Variants in NEK11 observed in about 807,000 individuals in gnomAD.
NEK11 encodes the protein serine/threonine-protein kinase Nek11.
NEK11 carries 72 observed loss-of-function variants against 80.7 expected under a neutral mutation model. The observed-to-expected ratio is 0.89, with a 90% CI of 0.74 to 1.08. The LOEUF (loss-of-function observed/expected upper bound fraction) is 1.08, where lower values mean the gene tolerates loss of function less well. Ranked by LOEUF, NEK11 falls within the 50% of genes least tolerant of loss-of-function variation. The pLI, the probability that NEK11 is intolerant of heterozygous loss-of-function variation, is 0.00. For missense variants in NEK11, 764 were observed against 763.6 expected, an observed-to-expected ratio of 1.00 and a Z score of -0.01; for synonymous variants, 251 against 260.7, an observed-to-expected ratio of 0.96 and a Z score of 0.36.
In NEK11 at chr3:131,258,323, A is replaced by G. The variant is rs12635487; in HGVS notation, c.1621+14827A>G. 4.1e-3 allele frequency among the ~76,000 whole-genome samples: 619 copies of G among 152,196 alleles called. 18 individuals carry two copies. The East Asian group carries it at 0.058, about 14-fold the overall frequency. ...CCCAAAAACTATTGAAATAAAATAAAACAAAAATTTTAAAAACTTAAAAAA... is the reference window on the plus strand; with the variant it reads ...CCCAAAAACTATTGAAATAAAATAAGACAAAAATTTTAAAAACTTAAAAAA... On this transcript the variant is annotated intron_variant, in intron 16 of 17. Coordinates refer to ENST00000383366, the MANE Select transcript of NEK11 (RefSeq NM_024800.5).
intron 17 of NEK11, among the ~76,000 whole-genome samples, chr3:131,322,045 T>C (rs1437207659): frequency 6.6e-6 from 1 of 152,124 alleles, no homozygotes; most frequent in Non-Finnish European, 1.5e-5. Flanking sequence ...CACATGTATG[T>C]TCATCGCAGC....
intron 4 of NEK11, among the ~76,000 whole-genome samples, chr3:131,086,617 T>G (rs985759056): frequency 6.6e-6 from 1 of 152,220 alleles, no homozygotes; most frequent in Middle Eastern, 3.2e-3. Context: ...AAGTAAATTC[T>G]TGCTTATTAA....
At position 131,029,795 on chromosome 3, in the gene NEK11, C is replaced by T. The variant is rs368992314; in HGVS notation, c.87C>T (p.Tyr29=). ...CAAAGACCTTGATTGCAAGAAGATACGTGCTTCAACAAAAACTTGGCAGTG... is the reference window on the plus strand; with the variant it reads ...CAAAGACCTTGATTGCAAGAAGATATGTGCTTCAACAAAAACTTGGCAGTG... ...TYPKTLIARR[Y]VLQQKLGSGS... Residue 29 remains tyrosine (Y), a synonymous_variant, in exon 3 of 18, where the codon TAC becomes TAT. Transcript: ENST00000383366. 40 of 1,613,928 alleles carry T rather than the reference C, an allele frequency of 2.5e-5. No homozygotes were observed. In the East Asian group the frequency reaches 5.6e-4, roughly 22 times the overall value.
chr3:131,219,496 G>A (rs1245418700), intron 14 of NEK11, among the ~76,000 whole-genome samples: 3 of 151,354 alleles, frequency 2.0e-5, no homozygotes, highest in East Asian at 1.9e-4. Context: ...ATCAGGACGC[G>A]TGTGTATCCA....
intron 16 of NEK11, among the ~76,000 whole-genome samples, chr3:131,267,847 G>T (rs548682213): frequency 6.4e-4 from 97 of 152,178 alleles, no homozygotes; most frequent in African/African-American, 2.1e-3. Flanking sequence ...AGTTCTCCTG[G>T]ATAATATCCT....
At chr3:131,279,261 A>C (rs1348247013) in intron 17 of NEK11, among the ~76,000 whole-genome samples, 2 of 151,994 alleles carry the variant, frequency 1.3e-5, no homozygotes, top group Non-Finnish European at 2.9e-5. Context: ...GAGACAGGAG[A>C]ATCGCTTGAA....
chr3:131,089,046 C>T (rs2076381284), intron 4 of NEK11, among the ~76,000 whole-genome samples: 1 of 152,164 alleles, frequency 6.6e-6, no homozygotes, highest in South Asian at 2.1e-4. Context: ...CTTATTCAGC[C>T]CTGCCTTTCT....
intron 3 of NEK11, among the ~76,000 whole-genome samples, chr3:131,077,332 A>C (rs906694995): frequency 6.6e-6 from 1 of 152,162 alleles, no homozygotes; most frequent in Non-Finnish European, 1.5e-5. Flanking sequence ...AGTGATATGC[A>C]ATGAGAGTTT....
intron 14 of NEK11, among the ~76,000 whole-genome samples, chr3:131,215,771 T>C (rs1302533194): frequency 3.3e-5 from 5 of 152,050 alleles, no homozygotes; most frequent in Admixed American, 6.6e-5. Context: ...GAGGTGGGGA[T>C]TGGTGATGGT....
chr3:131,256,515 T>C (rs1035003068), intron 16 of NEK11, among the ~76,000 whole-genome samples: 8 of 152,308 alleles, frequency 5.3e-5, no homozygotes, highest in Middle Eastern at 3.4e-3. Context: ...TGCAGAAATA[T>C]TTTTTATGTA....
At chr3:131,274,928 C>T (rs1172304828) in intron 17 of NEK11, among the ~76,000 whole-genome samples, 6 of 151,684 alleles carry the variant, frequency 4.0e-5, no homozygotes, top group Non-Finnish European at 7.4e-5. Flanking sequence ...GCTGGGATTA[C>T]AGGCGTGAGC....
At chr3:131,164,819 C>T (rs186369780) in intron 11 of NEK11, among the ~76,000 whole-genome samples, 16 of 152,200 alleles carry the variant, frequency 1.1e-4, no homozygotes, top group African/African-American at 2.2e-4. Context: ...ATAATGTACC[C>T]GTTTTAGAGA....
chr3:131,072,542 T>C (rs2073579611), intron 3 of NEK11, among the ~76,000 whole-genome samples: 1 of 152,180 alleles, frequency 6.6e-6, no homozygotes, highest in Non-Finnish European at 1.5e-5. Flanking sequence ...TCTGCCCATC[T>C]GTATAAATAA....
intron 3 of NEK11, among the ~76,000 whole-genome samples, chr3:131,045,410 C>T (rs1188046825): frequency 6.6e-6 from 1 of 152,182 alleles, no homozygotes; most frequent in Non-Finnish European, 1.5e-5. Context: ...GTTCACCCAA[C>T]ACTCATTCAG....
At chr3:131,034,016 A>G (rs2065257553) in intron 3 of NEK11, among the ~76,000 whole-genome samples, 1 of 152,210 alleles carries the variant, frequency 6.6e-6, no homozygotes, top group Non-Finnish European at 1.5e-5. Context: ...TTATGTTGTC[A>G]TAGTCCTAAA....
chr3:131,232,165 A>C (rs186773170), intron 15 of NEK11, among the ~76,000 whole-genome samples: 1 of 152,282 alleles, frequency 6.6e-6, no homozygotes, highest in East Asian at 1.9e-4. Flanking sequence ...TCCTCTGCCA[A>C]GTCTGTGGTC....
At chr3:131,087,873 G>A (rs1186889932) in intron 4 of NEK11, 1 of 152,176 alleles carries the variant, frequency 6.6e-6, no homozygotes, top group East Asian at 1.9e-4. Context: ...TTATAGTCCT[G>A]AAGCCTGTTT....
In NEK11 at chr3:131,241,816, G is replaced by C. The variant is rs527939979; in HGVS notation, c.1561-1620G>C. On this transcript the variant is annotated intron_variant, in intron 15 of 17. Transcript: ENST00000383366. The stretch of plus-strand genomic sequence containing the variant: ...TATGATCTGAAATATCTAAGAGATA[G>C]ATGTATATAGAAAAGACTGACTATA... Among the ~76,000 whole-genome samples the C allele has an allele frequency of 3.9e-5, 6 of 152,176 alleles. No individual in the cohort carries two copies. The South Asian group carries it at 1.2e-3, about 32-fold the overall frequency.
At position 131,349,722 on chromosome 3, in the gene NEK11, A is replaced by G. The variant is rs2097426366; in HGVS notation, c.1884A>G (p.Glu628=). ...AAGTGGACCAGCTCCTGTACTTTGA[A>G]GAGCAGTTGCTGATCACGATGGGAA... The part of the protein sequence containing the change: ...CFEVDQLLYF[E]EQLLITMGKE... The change falls in exon 18 of 18, where the codon GAA becomes GAG. Residue 628 remains glutamate, a synonymous_variant. Transcript: ENST00000383366. The G allele has an allele frequency of 6.2e-6, 10 of 1,614,244 alleles. No homozygotes were observed. The highest frequency in any genetic ancestry group is 7.6e-6 in the Non-Finnish European group (9 of 1,180,032).
Sources: gnomAD v4.1 joint callset for allele counts (sites outside exome capture counted in the v4.1 genomes callset) on GRCh38, gnomAD v4.1.1 for gene constraint, MANE v1.5 for transcripts, NCBI Gene and HGNC (gene_info 2026-07-23, HGNC 2026-07-21) for gene names.